Variants in EPHA5 observed in about 807,000 individuals in gnomAD.
EPHA5 encodes the protein EPH receptor A5.
In EPHA5, 60 loss-of-function variants were observed where a neutral mutation model predicts 105.0. That is an observed-to-expected ratio of 0.57 (90% CI 0.46 to 0.71). The LOEUF is 0.71. Among genes scored for constraint, EPHA5 ranks in the 30% least tolerant of loss-of-function variants. EPHA5 has a pLI of 0.00. For synonymous variants in EPHA5, 513 were observed against 449.1 expected (o/e 1.14, Z -1.80); for missense variants, 1,218 against 1,274.7 (o/e 0.96, Z 0.68).
chr4:65,566,164 G>T (rs184155868), intron 3 of EPHA5, among the ~76,000 whole-genome samples: 4 of 151,698 alleles, frequency 2.6e-5, no homozygotes, highest in Admixed American at 1.3e-4. Flanking sequence ...ACTGTGTAAC[G>T]TGAAAAACAA....
At chr4:65,427,566 C>A (rs1437416095) in intron 5 of EPHA5, among the ~76,000 whole-genome samples, 2 of 152,086 alleles carry the variant, frequency 1.3e-5, no homozygotes, top group African/African-American at 2.4e-5. Context: ...GGTTTTAAAT[C>A]TATGTGTCTT....
At position 65,559,943 on chromosome 4, in the gene EPHA5, A is replaced by G. The variant is rs369404478; in HGVS notation, c.910+41698T>C. Reference sequence around the variant, plus strand: ...ATTTCTTATGTATATTTACAAAAGTAGAAGTGCTGACAGTTCCACAGCTGG... The same window carrying G: ...ATTTCTTATGTATATTTACAAAAGTGGAAGTGCTGACAGTTCCACAGCTGG... On this transcript the variant is annotated intron_variant, in intron 3 of 16. Transcript: ENST00000613740. 2.0e-5 allele frequency among the ~76,000 whole-genome samples: 3 copies of G among 152,302 alleles called. No individual in the cohort carries two copies. The East Asian group carries it at 5.8e-4, about 29-fold the overall frequency.
At chr4:65,561,327 G>A (rs186656494) in intron 3 of EPHA5, among the ~76,000 whole-genome samples, 2 of 151,988 alleles carry the variant, frequency 1.3e-5, no homozygotes, top group East Asian at 1.9e-4. Context: ...ACTTTATTAC[G>A]CAATCTGCCA....
intron 2 of EPHA5, among the ~76,000 whole-genome samples, chr4:65,608,071 G>C (rs1744409503): frequency 6.6e-6 from 1 of 152,100 alleles, no homozygotes; most frequent in African/African-American, 2.4e-5. Flanking sequence ...GCTAGGGGAG[G>C]GATAGCATTA....
rs1202955557 is a variant in EPHA5 at position 65,670,049 on chromosome 4, A to T, written c.-307T>A. 5.5e-6 allele frequency: 2 copies of T among 364,722 alleles called. No individual in the cohort carries two copies. The highest frequency in any genetic ancestry group is 4.8e-6 in the Non-Finnish European group (1 of 206,476). 22.6% of individuals were successfully genotyped at this position (364,722 alleles called of 1,614,324 possible). On this transcript the variant is annotated 5_prime_UTR_variant, in exon 1 of 17. The change creates a new upstream start codon in the 5' untranslated region. Transcript: ENST00000613740. ...CTGGGTCCTGTTCCTTTGCCTTTCA[A>T]AAAGACTTTTTACGGATTGAGAATT...
chr4:65,399,398 A>T (rs1022050307), intron 8 of EPHA5, among the ~76,000 whole-genome samples: 6 of 152,196 alleles, frequency 3.9e-5, no homozygotes, highest in African/African-American at 1.4e-4. Context: ...TCAGGCTGGT[A>T]ACACAAGATG....
intron 3 of EPHA5, among the ~76,000 whole-genome samples, chr4:65,541,947 C>T (rs1224682610): frequency 6.6e-6 from 1 of 151,950 alleles, no homozygotes; most frequent in Non-Finnish European, 1.5e-5. Flanking sequence ...TCAATCAAAA[C>T]CACACGACAA....
intron 5 of EPHA5, among the ~76,000 whole-genome samples, chr4:65,420,976 A>T (rs758272144): frequency 1.4e-4 from 22 of 152,214 alleles, no homozygotes; most frequent in Non-Finnish European, 2.6e-4. Flanking sequence ...ACTCTCTTTT[A>T]TAATTTATTA....
intron 2 of EPHA5, among the ~76,000 whole-genome samples, chr4:65,635,058 G>T (rs9998833): frequency 0.077 from 11,725 of 152,016 alleles, 1,497 homozygotes; most frequent in African/African-American, 0.27. Context: ...CTTGATTCAG[G>T]AGAAAACACA....
intron 3 of EPHA5, among the ~76,000 whole-genome samples, chr4:65,579,152 C>T (rs1741353978): frequency 6.6e-6 from 1 of 151,354 alleles, no homozygotes; most frequent in African/African-American, 2.4e-5. Context: ...TTCAAAAAGG[C>T]TTATGGAAAT....
chr4:65,444,420 A>G (rs1206795004), intron 5 of EPHA5, among the ~76,000 whole-genome samples: 2 of 152,168 alleles, frequency 1.3e-5, no homozygotes, highest in Non-Finnish European at 2.9e-5. Context: ...AAATCTCAGG[A>G]GAAAAGAGGA....
rs926450973 is a variant in EPHA5 at position 65,471,977 on chromosome 4, G to A, written c.1402+18400C>T. On this transcript the variant is annotated intron_variant, in intron 5 of 16. Transcript: ENST00000613740. ...AACTCATTACACCAAATTAACCAGC[G>A]ATAACCCAAAAGTGCATAGTCCAAA... Among the ~76,000 whole-genome samples, 4 of 151,890 alleles carry A rather than the reference G, an allele frequency of 2.6e-5. No homozygotes were observed. In the South Asian group the frequency reaches 6.2e-4, roughly 24 times the overall value.
At chr4:65,571,037 C>T (rs1187529126) in intron 3 of EPHA5, among the ~76,000 whole-genome samples, 2 of 151,798 alleles carry the variant, frequency 1.3e-5, no homozygotes, top group African/African-American at 2.4e-5. Flanking sequence ...CTTCTTCCTC[C>T]CCCTCCCTTC....
chr4:65,558,282 A>G (rs1203355547), intron 3 of EPHA5, among the ~76,000 whole-genome samples: 1 of 152,208 alleles, frequency 6.6e-6, no homozygotes, highest in African/African-American at 2.4e-5. Flanking sequence ...TAATGGTAAC[A>G]GATCACACTT....
intron 5 of EPHA5, among the ~76,000 whole-genome samples, chr4:65,478,236 A>G (rs997006021): frequency 1.3e-5 from 2 of 152,196 alleles, no homozygotes; most frequent in African/African-American, 2.4e-5. Flanking sequence ...TGGTCACAGA[A>G]GCATCAGTGT....
intron 16 of EPHA5, among the ~76,000 whole-genome samples, chr4:65,328,794 C>T (rs1306754097): frequency 6.6e-6 from 1 of 151,062 alleles, no homozygotes; most frequent in Non-Finnish European, 1.5e-5. Flanking sequence ...GGCTAGAACA[C>T]AGAGGACTGT....
intron 8 of EPHA5, among the ~76,000 whole-genome samples, chr4:65,390,763 A>G (rs1720634857): frequency 6.6e-6 from 1 of 152,104 alleles, no homozygotes; most frequent in African/African-American, 2.4e-5. Flanking sequence ...TGTGACGATG[A>G]AAGCAGACAT....
intron 2 of EPHA5, among the ~76,000 whole-genome samples, chr4:65,603,232 T>G (rs956715070): frequency 6.6e-6 from 1 of 152,136 alleles, no homozygotes; most frequent in African/African-American, 2.4e-5. Context: ...AATAAAATAC[T>G]CCAGTTTTGA....
chr4:65,484,524 C>G (rs565343979), intron 5 of EPHA5, among the ~76,000 whole-genome samples: 1 of 152,102 alleles, frequency 6.6e-6, no homozygotes, highest in South Asian at 2.1e-4. Flanking sequence ...ATTTTGCTAC[C>G]CATAGCATGT....
Sources: allele counts gnomAD v4.1 joint callset (sites outside exome capture counted in the v4.1 genomes callset), GRCh38; gene constraint gnomAD v4.1.1; transcripts MANE v1.5; gene names NCBI Gene and HGNC (gene_info 2026-07-23, HGNC 2026-07-21).